ANK2: variants seen among roughly 807,000 people sequenced by gnomAD.
ANK2 encodes ankyrin 2.
Under a neutral mutation model 360.5 loss-of-function variants are expected in ANK2, and 83 were observed. That is an observed-to-expected ratio of 0.23 (90% CI 0.19 to 0.28). ANK2 has a LOEUF of 0.28. ANK2 is among the 10% of genes least tolerant of loss of function. The pLI is 1.00. For missense variants in ANK2, 4,201 were observed against 4,795.7 expected, an observed-to-expected ratio of 0.88 and a Z score of 3.66; for synonymous variants, 1,740 against 1,759.5, an observed-to-expected ratio of 0.99 and a Z score of 0.28.
chr4:112,846,519 T>C (rs964423275), intron 1 of ANK2, among the ~76,000 whole-genome samples: 10 of 152,140 alleles, frequency 6.6e-5, no homozygotes, highest in Non-Finnish European at 4.4e-5. Flanking sequence ...CATCTTAGTT[T>C]CCTTCTGCCC....
At chr4:112,849,874 G>C (rs7675091) in intron 1 of ANK2, among the ~76,000 whole-genome samples, 45,308 of 152,014 alleles carry the variant, frequency 0.3, 6,884 homozygotes, top group East Asian at 0.35. Flanking sequence ...GTTAGCACTT[G>C]AATCAGTAGA....
intron 22 of ANK2, 65 bp from the exon 23 acceptor site, chr4:113,302,702 G>A (rs2075567246): frequency 7.5e-7 from 1 of 1,334,022 alleles, no homozygotes; most frequent in East Asian, 2.3e-5. Flanking sequence ...CCTCCTATGT[G>A]ATGCTTTTCA....
chr4:113,231,556 T>C (rs1471924436), intron 4 of ANK2, among the ~76,000 whole-genome samples: 2 of 152,154 alleles, frequency 1.3e-5, no homozygotes, highest in Non-Finnish European at 2.9e-5. Context: ...TAATTCCATA[T>C]GTTATGAACT....
At chr4:113,366,735 A>G (rs1490762453) in intron 41 of ANK2, among the ~76,000 whole-genome samples, 1 of 152,188 alleles carries the variant, frequency 6.6e-6, no homozygotes, top group Non-Finnish European at 1.5e-5. Context: ...TGACAAGTCT[A>G]TTTAAAATAC....
At chr4:113,206,979 G>T (rs773434085) in intron 4 of ANK2, among the ~76,000 whole-genome samples, 13 of 152,026 alleles carry the variant, frequency 8.6e-5, no homozygotes, top group Non-Finnish European at 1.3e-4. Context: ...AGCTGAGATC[G>T]CTGCACTGCA....
upstream of ANK2, among the ~76,000 whole-genome samples, chr4:113,049,340 G>C (rs548667916): frequency 3.4e-3 from 510 of 152,196 alleles, 5 homozygotes; most frequent in African/African-American, 0.011. Context: ...ATTATGCATT[G>C]TATCTGTTCC....
At chr4:113,332,322 A>C (rs1323158809) in intron 28 of ANK2, among the ~76,000 whole-genome samples, 1 of 152,174 alleles carries the variant, frequency 6.6e-6, no homozygotes, top group African/African-American at 2.4e-5. Flanking sequence ...AGATCTGCCT[A>C]GTTGTACTAT....
At chr4:112,975,047 G>T (rs1291562347) in intron 2 of ANK2, among the ~76,000 whole-genome samples, 3 of 152,120 alleles carry the variant, frequency 2.0e-5, no homozygotes, top group Non-Finnish European at 4.4e-5. Flanking sequence ...TATTAGAACT[G>T]TTACCCACTC....
intron 34 of ANK2, among the ~76,000 whole-genome samples, 193 bp from the exon 35 acceptor site, chr4:113,345,707 A>G (rs982187989): frequency 6.6e-6 from 1 of 152,216 alleles, no homozygotes; most frequent in Non-Finnish European, 1.5e-5. Context: ...ATACTTAAAT[A>G]AGACTAAAAA....
chr4:112,877,533 G>C (rs2075462652), intron 1 of ANK2, among the ~76,000 whole-genome samples: 2 of 152,070 alleles, frequency 1.3e-5, no homozygotes, highest in Non-Finnish European at 1.5e-5. Flanking sequence ...CTCTTTTCTT[G>C]CTCAGTCAAG....
intron 2 of ANK2, among the ~76,000 whole-genome samples, chr4:112,943,785 G>C (rs113556872): frequency 6.6e-6 from 1 of 151,918 alleles, no homozygotes; most frequent in East Asian, 1.9e-4. Context: ...ACCTTGTTTT[G>C]CTGTAAACAT....
intron 2 of ANK2, among the ~76,000 whole-genome samples, chr4:113,012,169 G>A (rs933702769): frequency 1.3e-5 from 2 of 152,164 alleles, no homozygotes; most frequent in Non-Finnish European, 2.9e-5. Flanking sequence ...TTCAGGGGAA[G>A]GAGGAGAAGG....
intron 1 of ANK2, among the ~76,000 whole-genome samples, chr4:113,053,040 C>G (rs1472007455): frequency 6.6e-6 from 1 of 152,178 alleles, no homozygotes; most frequent in African/African-American, 2.4e-5. Flanking sequence ...GTGTCTTGGA[C>G]AACGTCTTTG....
the ANK2 span, among the ~76,000 whole-genome samples, chr4:112,741,818 AAAACAAAC>A: frequency 3.3e-4 from 50 of 152,214 alleles, no homozygotes; most frequent in East Asian, 7.7e-3. Context: ...CCGTTTCTTA[AAAACAAAC>A]AAACAAACAA....
chr4:112,926,273 A>T lies in ANK2; in HGVS notation c.21+21759A>T, dbSNP rs62317093. ...TACAAAGAAGTAAGTTATCAGGCAGATCCTCATGTTGTTCATTCTCTGAAG... is the reference window on the plus strand; with the variant it reads ...TACAAAGAAGTAAGTTATCAGGCAGTTCCTCATGTTGTTCATTCTCTGAAG... On this transcript the variant is annotated intron_variant, in intron 2 of 30. Transcript: ENST00000503271. 7.0e-3 allele frequency among the ~76,000 whole-genome samples: 1,063 copies of T among 152,314 alleles called. 6 individuals are homozygous for T. The highest frequency in any genetic ancestry group is 9.8e-3 in the Non-Finnish European group (669 of 68,032).
rs2097066364 is a variant in ANK2, at chr4:113,151,193, C to A, written c.85-23223C>A. ...GGTAACTAAGAAGTTTTAATTATAA[C>A]CTTCTGCTCAAAAAAGGAATGTACC... On this transcript the variant is annotated intron_variant, in intron 1 of 45. Transcript: ENST00000357077. The A allele has an allele frequency of 8.3e-6, 10 of 1,197,810 alleles. No individual in the cohort carries two copies. The South Asian group carries it at 9.2e-5, about 11-fold the overall frequency. The allele number at this position is 1,197,810 out of a possible 1,614,324, so 74.2% of individuals were successfully genotyped here.
chr4:113,147,940 G>A (rs1018320063), intron 1 of ANK2, among the ~76,000 whole-genome samples: 1 of 152,138 alleles, frequency 6.6e-6, no homozygotes, highest in Admixed American at 6.5e-5. Flanking sequence ...ATCACAGAGG[G>A]GAAAACTGCG....
At chr4:112,722,998 G>T in the ANK2 span, among the ~76,000 whole-genome samples, 2 of 152,064 alleles carry the variant, frequency 1.3e-5, no homozygotes, top group African/African-American at 4.8e-5. Context: ...AGAGAAAAAA[G>T]TTCTCTAGAA....
intron 18 of ANK2, among the ~76,000 whole-genome samples, chr4:113,283,256 A>G (rs1172041603): frequency 6.6e-6 from 1 of 152,154 alleles, no homozygotes; most frequent in Non-Finnish European, 1.5e-5. Context: ...ATAGAGAGAG[A>G]AAGAATGCTT....
Sources: allele counts gnomAD v4.1 joint callset (sites outside exome capture counted in the v4.1 genomes callset), GRCh38; gene constraint gnomAD v4.1.1; transcripts MANE v1.5; gene names NCBI Gene and HGNC (gene_info 2026-07-23, HGNC 2026-07-21).